ZFR: variants seen among roughly 807,000 people sequenced by gnomAD.
ZFR encodes the protein zinc finger RNA binding protein, also known as zinc finger RNA-binding protein.
A neutral mutation model predicts 130.7 loss-of-function variants in ZFR; 19 were observed. That is an observed-to-expected ratio of 0.15 (90% CI 0.10 to 0.21). The LOEUF (loss-of-function observed/expected upper bound fraction) is 0.21. Among genes scored for constraint, ZFR ranks in the 10% least tolerant of loss-of-function variants. The pLI is 1.00. For synonymous variants in ZFR, 466 were observed against 456.9 expected (o/e 1.02, Z -0.25); for missense variants, 872 against 1,321.5 (o/e 0.66, Z 5.27).
chr5:32,439,539 G>A (rs2111875133), intron 2 of ZFR, among the ~76,000 whole-genome samples: 1 of 152,276 alleles, frequency 6.6e-6, no homozygotes, highest in South Asian at 2.1e-4. Flanking sequence ...TAGATGAGAT[G>A]CCTTCTTTTG....
chr5:32,393,544 T>C (rs899715043), intron 11 of ZFR, among the ~76,000 whole-genome samples: 5 of 152,186 alleles, frequency 3.3e-5, no homozygotes, highest in African/African-American at 9.7e-5. Flanking sequence ...AATTTCTCCA[T>C]GTTGGTCAGG....
intron 2 of ZFR, among the ~76,000 whole-genome samples, chr5:32,429,865 T>A (rs1754163218): frequency 1.3e-5 from 2 of 152,026 alleles, no homozygotes. Flanking sequence ...GGCTAGGAGT[T>A]TGACACTAGG....
chr5:32,386,775 G>T (rs1340144018), intron 14 of ZFR, among the ~76,000 whole-genome samples: 2 of 152,054 alleles, frequency 1.3e-5, no homozygotes, highest in South Asian at 2.1e-4. Flanking sequence ...GTCATCAGTT[G>T]CTCTGCTACA....
At chr5:32,396,531 G>A (rs1257116506) in intron 10 of ZFR, among the ~76,000 whole-genome samples, 1 of 152,012 alleles carries the variant, frequency 6.6e-6, no homozygotes, top group Non-Finnish European at 1.5e-5. Context: ...ATGAGGTCAG[G>A]AGTTCAGGCC....
chr5:32,357,028 G>A (rs1055360552), intron 19 of ZFR, among the ~76,000 whole-genome samples: 30 of 152,100 alleles, frequency 2.0e-4, no homozygotes, highest in African/African-American at 6.5e-4. Context: ...TTACTCTGTT[G>A]CCCAGGCTGG....
At chr5:32,407,397 G>A (rs1753600810) in intron 5 of ZFR, among the ~76,000 whole-genome samples, 1 of 150,070 alleles carries the variant, frequency 6.7e-6, no homozygotes, top group African/African-American at 2.5e-5. Flanking sequence ...TGGATTTGAG[G>A]AAGAATCTGA....
intron 2 of ZFR, among the ~76,000 whole-genome samples, chr5:32,428,633 C>T (rs773370350): frequency 6.6e-6 from 1 of 152,180 alleles, no homozygotes; most frequent in Non-Finnish European, 1.5e-5. Flanking sequence ...CCTACAAATA[C>T]CTTTTATGAG....
intron 17 of ZFR, among the ~76,000 whole-genome samples, chr5:32,365,351 A>G (rs1752519555): frequency 6.6e-6 from 1 of 152,174 alleles, no homozygotes; most frequent in African/African-American, 2.4e-5. Context: ...ATTCACTCCA[A>G]GGCCATTTCT....
At chr5:32,426,295 T>A (rs1754070780) in intron 2 of ZFR, among the ~76,000 whole-genome samples, 1 of 151,316 alleles carries the variant, frequency 6.6e-6, no homozygotes, top group African/African-American at 2.4e-5. Flanking sequence ...GTTCAACATA[T>A]AAATCAATGT....
intron 6 of ZFR, 150 bp from the exon 7 acceptor site, chr5:32,404,247 T>C: frequency 1.7e-6 from 1 of 600,306 alleles, no homozygotes; most frequent in Non-Finnish European, 2.9e-6. Context: ...ATTCGTTACA[T>C]ATGTGACATA....
chr5:32,410,988 G>A (rs1033420581), intron 5 of ZFR, among the ~76,000 whole-genome samples: 2 of 152,212 alleles, frequency 1.3e-5, no homozygotes, highest in African/African-American at 4.8e-5. Flanking sequence ...GTTCTACCTA[G>A]TGCTGTTTCC....
intron 3 of ZFR, 42 bp from the exon 4 acceptor site, chr5:32,417,834 T>A: frequency 1.3e-6 from 2 of 1,595,092 alleles, no homozygotes; most frequent in Non-Finnish European, 1.7e-6. Flanking sequence ...ATGAGACAAG[T>A]GGAAGGAAAA....
At chr5:32,395,981 G>A (rs2111753236) in intron 10 of ZFR, among the ~76,000 whole-genome samples, 1 of 152,204 alleles carries the variant, frequency 6.6e-6, no homozygotes, top group South Asian at 2.1e-4. Context: ...CAGCACTTTG[G>A]GAGGCCAAGG....
At chr5:32,359,682 G>C (rs1752388341) in intron 19 of ZFR, among the ~76,000 whole-genome samples, 1 of 152,184 alleles carries the variant, frequency 6.6e-6, no homozygotes, top group African/African-American at 2.4e-5. Context: ...CGGGTGCGGT[G>C]GCTCACGCCT....
At position 32,403,264 on chromosome 5, in the gene ZFR, T is replaced by C. The variant is rs149599193; in HGVS notation, c.1358A>G (p.Asn453Ser). 1.1e-5 allele frequency: 18 copies of C among 1,614,052 alleles called. No individual in the cohort carries two copies. The highest frequency in any genetic ancestry group is 6.7e-5 in the African/African-American group (5 of 74,924). Residue 453 changes from asparagine to serine, a missense_variant, in exon 8 of 20, where the codon AAT (asparagine) becomes AGT (serine). Physicochemically the swap from Asn to Ser is conservative, Grantham distance 46. Transcript: ENST00000265069. ...AACTGATGACGTATTCACAGTACAA[T>C]TGTTTGCTGCAATGCTTGAAGGAGA... ...TASPSSIAAN[N>S]CTVNTSSVAT...
At chr5:32,400,537 T>C (rs1314345912) in intron 8 of ZFR, among the ~76,000 whole-genome samples, 4 of 152,202 alleles carry the variant, frequency 2.6e-5, no homozygotes, top group Admixed American at 6.5e-5. Context: ...AAATGAGTAG[T>C]ATTTGTTCCT....
At chr5:32,377,604 G>T (rs543268096) in intron 17 of ZFR, among the ~76,000 whole-genome samples, 13 of 152,148 alleles carry the variant, frequency 8.5e-5, no homozygotes, top group African/African-American at 3.1e-4. Context: ...ATAATAAAAT[G>T]ATGAATAAGA....
At chr5:32,431,894 C>G (rs1041758739) in intron 2 of ZFR, among the ~76,000 whole-genome samples, 1 of 151,924 alleles carries the variant, frequency 6.6e-6, no homozygotes, top group Non-Finnish European at 1.5e-5. Flanking sequence ...AGTGCAGTGG[C>G]AAGATCATGG....
chr5:32,384,411 T>G (rs1400295058), intron 15 of ZFR, among the ~76,000 whole-genome samples: 1 of 152,194 alleles, frequency 6.6e-6, no homozygotes, highest in Non-Finnish European at 1.5e-5. Flanking sequence ...AAATTAGACA[T>G]AGCTCCCAAT....
Sources: gnomAD v4.1 joint callset for allele counts (sites outside exome capture counted in the v4.1 genomes callset) on GRCh38, gnomAD v4.1.1 for gene constraint, MANE v1.5 for transcripts, NCBI Gene and HGNC (gene_info 2026-07-23, HGNC 2026-07-21) for gene names.